DENND5B: variants seen among roughly 807,000 people sequenced by gnomAD.
The protein encoded by DENND5B is DENN domain-containing protein 5B.
DENND5B carries 34 observed loss-of-function variants against 140.6 expected under a neutral mutation model. The ratio of observed to expected loss-of-function variants is 0.24; its 90% confidence interval spans 0.18 to 0.32. The LOEUF is 0.32. DENND5B is among the 10% of genes least tolerant of loss of function. DENND5B has a pLI of 1.00. For synonymous variants in DENND5B, 551 were observed against 562.1 expected (o/e 0.98, Z 0.28); for missense variants, 1,142 against 1,560.2 (o/e 0.73, Z 4.52).
chr12:31,495,164 C>A (rs1946707803), intron 2 of DENND5B, among the ~76,000 whole-genome samples: 1 of 152,192 alleles, frequency 6.6e-6, no homozygotes, highest in Non-Finnish European at 1.5e-5. Flanking sequence ...CAGGCTCTTT[C>A]CATCAGGCTC....
chr12:31,579,355 T>C (rs934878726), intron 1 of DENND5B, among the ~76,000 whole-genome samples: 99 of 152,258 alleles, frequency 6.5e-4, no homozygotes, highest in African/African-American at 2.3e-3. Context: ...CAGTCATCGC[T>C]GCATTTTGTT....
intron 3 of DENND5B, among the ~76,000 whole-genome samples, chr12:31,475,980 G>A (rs1269003631): frequency 1.3e-5 from 2 of 151,984 alleles, no homozygotes; most frequent in Non-Finnish European, 2.9e-5. Context: ...AAAGAAATTA[G>A]CCAGGCATGG....
chr12:31,466,700 A>AAAC lies in DENND5B; in HGVS notation c.905-6322_905-6320dup, dbSNP rs150869364. On this transcript the variant is annotated intron_variant, in intron 3 of 20. Coordinates refer to ENST00000389082, the MANE Select transcript of DENND5B (RefSeq NM_144973.4). Reference sequence around the variant, plus strand: ...AAAGTGAGACTCTGTCTCAAAAACAAAACAACAACAACAACAAAAAAAAGT... The same window carrying AAAC: ...AAAGTGAGACTCTGTCTCAAAAACAAAACAACAACAACAACAACAAAAAAAAGT... Among the ~76,000 whole-genome samples, 15 of 151,344 alleles carry AAAC rather than the reference A, an allele frequency of 9.9e-5. 1 individual carries two copies. The highest frequency in any genetic ancestry group is 2.1e-4 in the South Asian group (1 of 4,814).
intron 6 of DENND5B, among the ~76,000 whole-genome samples, chr12:31,447,172 G>C (rs1029536595): frequency 6.6e-6 from 1 of 152,044 alleles, no homozygotes; most frequent in Non-Finnish European, 1.5e-5. Flanking sequence ...TTGGGAGGCA[G>C]AGGCAGGAGA....
At chr12:31,389,242 G>A in intron 20 of DENND5B, 82 bp downstream of exon 20, 1 of 1,264,126 alleles carries the variant, frequency 7.9e-7, no homozygotes, top group Non-Finnish European at 1.1e-6. Context: ...AGCTCTGGAA[G>A]GGGTATGATC....
At chr12:31,502,912 G>A (rs1247293448) in intron 1 of DENND5B, among the ~76,000 whole-genome samples, 3 of 152,114 alleles carry the variant, frequency 2.0e-5, no homozygotes, top group African/African-American at 7.2e-5. Flanking sequence ...TCATCAAAGT[G>A]GTTACTTAGA....
chr12:31,463,777 T>A (rs1405126404), intron 3 of DENND5B, among the ~76,000 whole-genome samples: 1 of 152,142 alleles, frequency 6.6e-6, no homozygotes, highest in Non-Finnish European at 1.5e-5. Context: ...TTCTCCTGCC[T>A]CACTCAGCCT....
chr12:31,481,784 G>GT (rs1308315940), intron 2 of DENND5B, among the ~76,000 whole-genome samples: 9 of 152,176 alleles, frequency 5.9e-5, no homozygotes, highest in African/African-American at 1.9e-4. Flanking sequence ...CCTCTGAAGG[G>GT]TTTTTAGGAG....
At position 31,479,657 on chromosome 12, in the gene DENND5B, C is replaced by T; in HGVS notation, c.836G>A (p.Gly279Glu). ...AAACACCTGCACCAGGTTCTCTAAT[C>T]CCAGGAGCTCAAATGCCTCCCGAAG... ...YPLREAFELLGLENLVQVFTC... is the reference protein window; with the variant it reads ...YPLREAFELLELENLVQVFTC... Residue 279 changes from glycine to glutamate, a missense_variant, in exon 3 of 21, where the codon GGA becomes GAA. Physicochemically the swap from Gly to Glu is moderately conservative, Grantham distance 98. Coordinates refer to ENST00000389082, the MANE Select transcript of DENND5B (RefSeq NM_144973.4). The T allele has an allele frequency of 6.4e-7, 1 of 1,564,804 alleles. No individual in the cohort carries two copies. Among genetic ancestry groups the T allele is most frequent in the South Asian group, 1.2e-5 (1 of 82,068 alleles).
At chr12:31,409,828 G>T (rs1942354955) in intron 13 of DENND5B, among the ~76,000 whole-genome samples, 1 of 151,176 alleles carries the variant, frequency 6.6e-6, no homozygotes, top group Admixed American at 6.6e-5. Flanking sequence ...CCAGGATGGG[G>T]TCTCGCTATA....
Position 31,383,551 on chromosome 12 carries a change from T to C in DENND5B, c.*4052A>G, listed in dbSNP as rs1940723163. ...AAAAGGTACAAAAATGTGTGAAACA[T>C]TTAAATTTCAGAGGGAAATCCACAC... On this transcript the variant is annotated 3_prime_UTR_variant, in exon 21 of 21. Transcript: ENST00000389082. 1 of 152,204 alleles carries C rather than the reference T, an allele frequency of 6.6e-6. No individual in the cohort carries two copies. Among genetic ancestry groups the C allele is most frequent in the Admixed American group, 6.6e-5 (1 of 15,266 alleles). The allele number at this position is 152,204 out of a possible 1,614,324, so 9.4% of individuals were successfully genotyped here. A position where few individuals can be genotyped will look rare whatever the true frequency, so the allele number is the denominator to read the frequency against.
At chr12:31,432,213 G>C in intron 8 of DENND5B, 2 of 669,872 alleles carry the variant, frequency 3.0e-6, no homozygotes, top group African/African-American at 4.0e-5. Flanking sequence ...TAGGGAGAAA[G>C]AGACAAGCAG....
intron 1 of DENND5B, among the ~76,000 whole-genome samples, chr12:31,507,505 T>G (rs930232300): frequency 2.0e-5 from 3 of 152,176 alleles, no homozygotes; most frequent in Non-Finnish European, 4.4e-5. Flanking sequence ...GCAGATTATT[T>G]ACTTGCAAAA....
chr12:31,552,021 T>C (rs1186432770), intron 1 of DENND5B, among the ~76,000 whole-genome samples: 1 of 152,206 alleles, frequency 6.6e-6, no homozygotes, highest in Admixed American at 6.5e-5. Flanking sequence ...CAGGGACAAT[T>C]TGACTTCCTC....
chr12:31,402,815 A>T (rs1286174947), intron 14 of DENND5B, among the ~76,000 whole-genome samples, 172 bp from the exon 15 acceptor site: 1 of 152,186 alleles, frequency 6.6e-6, no homozygotes, highest in Non-Finnish European at 1.5e-5. Context: ...GAAAGATGAG[A>T]TCTAGTTTGC....
In DENND5B at chr12:31,404,853, G is replaced by A. The variant is rs553142867; in HGVS notation, c.2804-2210C>T. 7.7e-4 allele frequency among the ~76,000 whole-genome samples: 109 copies of A among 141,850 alleles called. 1 individual carries two copies. In the South Asian group the frequency reaches 8.1e-3, roughly 11 times the overall value. 93.1% of individuals were successfully genotyped at this position (141,850 alleles called of 152,430 possible). ...CGGCTCACTGCAACCTCTGCCTCCC[G>A]GGCTCAAGCGATTCTCCTGCCTCAG... On this transcript the variant is annotated intron_variant, in intron 14 of 20. Coordinates refer to ENST00000389082, the MANE Select transcript of DENND5B (RefSeq NM_144973.4).
intron 1 of DENND5B, among the ~76,000 whole-genome samples, chr12:31,557,814 C>CAAAAAAAAAAA (rs71445804): frequency 1.2e-5 from 1 of 80,962 alleles, no homozygotes; most frequent in Non-Finnish European, 2.4e-5. Flanking sequence ...GCTGTGGTGG[C>CAAAAAAAAAAA]AAAAAAAAAA....
Position 31,400,106 on chromosome 12 carries a change from G to A in DENND5B, c.2950-334C>T, listed in dbSNP as rs527891020. 2.6e-5 allele frequency among the ~76,000 whole-genome samples: 4 copies of A among 152,284 alleles called. No homozygotes were observed. In the South Asian group the frequency reaches 8.3e-4, roughly 32 times the overall value. ...ACAAACAACACAGACAGTGACTTGT[G>A]CCTTGAAGGGTAAGAATAATTTCTA... is the stretch of plus-strand genomic sequence containing the variant. On this transcript the variant is annotated intron_variant, in intron 15 of 20. Coordinates refer to ENST00000389082, the MANE Select transcript of DENND5B (RefSeq NM_144973.4).
chr12:31,511,451 A>G (rs550514429), intron 1 of DENND5B, among the ~76,000 whole-genome samples: 1 of 152,314 alleles, frequency 6.6e-6, no homozygotes, highest in East Asian at 1.9e-4. Flanking sequence ...GATGTGTTAA[A>G]ATAAAATTTT....
Sources: allele counts gnomAD v4.1 joint callset (sites outside exome capture counted in the v4.1 genomes callset), GRCh38; gene constraint gnomAD v4.1.1; transcripts MANE v1.5; gene names NCBI Gene and HGNC (gene_info 2026-07-23, HGNC 2026-07-21).